Variants in AUTS2 observed in about 807,000 individuals in gnomAD.
AUTS2 encodes activator of transcription and developmental regulator AUTS2, also known as autism susceptibility gene 2 protein.
AUTS2 carries 17 observed loss-of-function variants against 112.4 expected under a neutral mutation model. The observed-to-expected ratio is 0.15, with a 90% CI of 0.10 to 0.23. The LOEUF is 0.23. AUTS2 is among the 10% of genes least tolerant of loss of function. AUTS2 has a pLI of 1.00. For synonymous variants in AUTS2, 751 were observed against 702.7 expected (o/e 1.07, Z -1.09); for missense variants, 1,510 against 1,701.6 (o/e 0.89, Z 1.98).
At chr7:69,655,698 A>G (rs1795497419) in intron 1 of AUTS2, among the ~76,000 whole-genome samples, 1 of 152,114 alleles carries the variant, frequency 6.6e-6, no homozygotes, top group Non-Finnish European at 1.5e-5. Flanking sequence ...GTGGTGGGAT[A>G]GTTGGCTTGA....
chr7:70,060,642 ATAT>A (rs1355422392), intron 2 of AUTS2, among the ~76,000 whole-genome samples: 2 of 152,244 alleles, frequency 1.3e-5, no homozygotes, highest in African/African-American at 4.8e-5. Context: ...AGGAAGTATA[ATAT>A]TACAATATCT....
intron 5 of AUTS2, among the ~76,000 whole-genome samples, chr7:70,462,254 A>T (rs901823218): frequency 3.3e-5 from 5 of 152,206 alleles, no homozygotes; most frequent in Admixed American, 6.5e-5. Context: ...TCCGTGTCGA[A>T]AAAACAAAAA....
At chr7:70,465,573 G>C (rs1360803926) in intron 5 of AUTS2, among the ~76,000 whole-genome samples, 1 of 152,164 alleles carries the variant, frequency 6.6e-6, no homozygotes, top group African/African-American at 2.4e-5. Flanking sequence ...ATGACAATGA[G>C]GGAGAGAATT....
At chr7:70,376,245 TC>T (rs1464151068) in intron 4 of AUTS2, among the ~76,000 whole-genome samples, 2 of 152,226 alleles carry the variant, frequency 1.3e-5, no homozygotes, top group Non-Finnish European at 2.9e-5. Context: ...ACCTGCCTTT[TC>T]TGTGGTATTA....
At chr7:70,174,667 G>A (rs1230268826) in intron 4 of AUTS2, among the ~76,000 whole-genome samples, 3 of 152,102 alleles carry the variant, frequency 2.0e-5, no homozygotes, top group African/African-American at 4.8e-5. Flanking sequence ...AAAAATTGTA[G>A]GGCACTTAAA....
At chr7:70,716,258 C>T (rs941272339) in intron 6 of AUTS2, among the ~76,000 whole-genome samples, 2 of 152,176 alleles carry the variant, frequency 1.3e-5, no homozygotes, top group African/African-American at 4.8e-5. Flanking sequence ...GAGTTCTTGC[C>T]ATCTCCTGTT....
At chr7:70,666,465 C>T (rs117941039) in intron 5 of AUTS2, among the ~76,000 whole-genome samples, 251 of 152,226 alleles carry the variant, frequency 1.6e-3, no homozygotes, top group Non-Finnish European at 3.0e-3. Flanking sequence ...GTTGTTTCCA[C>T]GACTGGAAGA....
At chr7:70,712,630 C>T (rs1810122123) in intron 6 of AUTS2, among the ~76,000 whole-genome samples, 1 of 152,166 alleles carries the variant, frequency 6.6e-6, no homozygotes, top group African/African-American at 2.4e-5. Context: ...TTTTCACAAG[C>T]CTTCCAGGTA....
chr7:69,759,469 T>G (rs1009193380), intron 1 of AUTS2, among the ~76,000 whole-genome samples: 1 of 152,144 alleles, frequency 6.6e-6, no homozygotes. Flanking sequence ...TTTTCACTTG[T>G]GGTATCATAA....
intron 5 of AUTS2, among the ~76,000 whole-genome samples, chr7:70,580,575 G>T (rs17141778): frequency 2.6e-5 from 4 of 152,010 alleles, no homozygotes; most frequent in Non-Finnish European, 2.9e-5. Context: ...CAGGCCATGA[G>T]GGCTGCAGCT....
chr7:69,644,176 T>C (rs1376276987), intron 1 of AUTS2, among the ~76,000 whole-genome samples: 1 of 152,132 alleles, frequency 6.6e-6, no homozygotes, highest in East Asian at 1.9e-4. Context: ...CTGTGTTCTC[T>C]GTGTAGCAAG....
intron 4 of AUTS2, among the ~76,000 whole-genome samples, chr7:70,354,286 A>G (rs189946827): frequency 3.3e-5 from 5 of 152,346 alleles, no homozygotes; most frequent in Admixed American, 6.5e-5. Context: ...GGCAACTCCA[A>G]TAAGTACAGA....
chr7:69,600,525 AC>A (rs1182516577), intron 1 of AUTS2, among the ~76,000 whole-genome samples: 5 of 89,100 alleles, frequency 5.6e-5, no homozygotes, highest in South Asian at 3.7e-4. Context: ...TCCCCCCATT[AC>A]CCCCCCATAT....
At chr7:69,621,731 A>T (rs1793673748) in intron 1 of AUTS2, among the ~76,000 whole-genome samples, 1 of 152,210 alleles carries the variant, frequency 6.6e-6, no homozygotes, top group Non-Finnish European at 1.5e-5. Flanking sequence ...AGGGTGGTAG[A>T]CATTTTAGGA....
intron 4 of AUTS2, among the ~76,000 whole-genome samples, chr7:70,420,535 A>G (rs1795175397): frequency 6.6e-6 from 1 of 152,222 alleles, no homozygotes; most frequent in Admixed American, 6.5e-5. Flanking sequence ...GCCTAAGAAT[A>G]AAGTAAGACC....
chr7:70,643,397 C>A (rs1805960816), intron 5 of AUTS2, among the ~76,000 whole-genome samples: 1 of 152,154 alleles, frequency 6.6e-6, no homozygotes, highest in Non-Finnish European at 1.5e-5. Flanking sequence ...AGGGTGAAAC[C>A]CCGTCTCTAC....
intron 2 of AUTS2, among the ~76,000 whole-genome samples, chr7:69,935,341 G>A (rs1222437160): frequency 6.6e-6 from 1 of 152,134 alleles, no homozygotes; most frequent in Non-Finnish European, 1.5e-5. Flanking sequence ...CTAGGTTTGG[G>A]CCTGGTTTTG....
intron 4 of AUTS2, among the ~76,000 whole-genome samples, chr7:70,327,320 A>G (rs1442532670): frequency 6.6e-6 from 1 of 152,108 alleles, no homozygotes; most frequent in Non-Finnish European, 1.5e-5. Context: ...ATTTTGCTGA[A>G]TTTGTCTAAA....
chr7:70,060,874 T>G (rs1363498058), intron 2 of AUTS2, among the ~76,000 whole-genome samples: 1 of 152,168 alleles, frequency 6.6e-6, no homozygotes, highest in African/African-American at 2.4e-5. Flanking sequence ...AGGTAGGTAT[T>G]TCTTCCTTCC....
Sources: gnomAD v4.1 joint callset for allele counts (sites outside exome capture counted in the v4.1 genomes callset) on GRCh38, gnomAD v4.1.1 for gene constraint, MANE v1.5 for transcripts, NCBI Gene and HGNC (gene_info 2026-07-23, HGNC 2026-07-21) for gene names.